CADPS2: variants seen among roughly 807,000 people sequenced by gnomAD.
CADPS2 encodes calcium dependent secretion activator 2.
CADPS2 carries 93 observed loss-of-function variants against 172.5 expected under a neutral mutation model. The observed-to-expected ratio is 0.54, with a 90% confidence interval of 0.46 to 0.64. CADPS2 has a LOEUF of 0.64. CADPS2 is among the 30% of genes least tolerant of loss of function. The probability of loss-of-function intolerance (pLI) is 0.00; values close to 1 mark genes in which losing one functional copy is unlikely to be tolerated. For synonymous variants in CADPS2, 546 were observed against 555.2 expected (o/e 0.98, Z 0.23); for missense variants, 1,420 against 1,565.9 (o/e 0.91, Z 1.57).
chr7:122,452,469 C>A (rs1248406891), intron 14 of CADPS2, among the ~76,000 whole-genome samples: 2 of 152,228 alleles, frequency 1.3e-5, no homozygotes, highest in African/African-American at 4.8e-5. Flanking sequence ...GATCTTGGCT[C>A]AGTGCAACCT....
chr7:122,325,942 G>C (rs1015320734), intron 28 of CADPS2, among the ~76,000 whole-genome samples: 2 of 151,642 alleles, frequency 1.3e-5, no homozygotes, highest in African/African-American at 4.8e-5. Context: ...CAAGCAGCAG[G>C]AAAAAAGAGG....
At position 122,320,183 on chromosome 7, in the gene CADPS2, G is replaced by C; in HGVS notation, c.3873C>G (p.Asp1291Glu). Residue 1291 changes from aspartate to glutamate, a missense_variant, in exon 30 of 30, where the codon GAC (aspartate) becomes GAG (glutamate). Coordinates refer to ENST00000449022, the MANE Select transcript of CADPS2 (RefSeq NM_017954.11). ...TGTGATATCAGCCTTCTTCTTCTTCGTCACTGTCTTTCATAGTAATGCCCT... is the reference window on the plus strand; with the variant it reads ...TGTGATATCAGCCTTCTTCTTCTTCCTCACTGTCTTTCATAGTAATGCCCT... ...GLQGITMKDS[D>E]EEEEG is the part of the protein sequence containing the mutation. The C allele has an allele frequency of 6.2e-7, 1 of 1,602,416 alleles. No homozygotes were observed. Among genetic ancestry groups the C allele is most frequent in the South Asian group, 1.1e-5 (1 of 88,734 alleles).
chr7:122,526,179 CTTATTTATTTAT>C (rs3069351), intron 8 of CADPS2, among the ~76,000 whole-genome samples: 3 of 149,742 alleles, frequency 2.0e-5, no homozygotes, highest in Non-Finnish European at 3.0e-5. Flanking sequence ...CTTTGATACA[CTTATTTATTTAT>C]TTATTTATTT....
intron 1 of CADPS2, among the ~76,000 whole-genome samples, chr7:122,841,574 C>T (rs530055986): frequency 6.6e-6 from 1 of 152,246 alleles, no homozygotes; most frequent in South Asian, 2.1e-4. Flanking sequence ...CTGAGCATTT[C>T]TTAGGTTTCT....
chr7:122,659,141 A>T (rs1300135659), intron 3 of CADPS2, among the ~76,000 whole-genome samples: 1 of 152,034 alleles, frequency 6.6e-6, no homozygotes, highest in Non-Finnish European at 1.5e-5. Flanking sequence ...CAAGCATCTG[A>T]ACTAGATTCA....
At chr7:122,602,767 A>T (rs2072980445) in intron 6 of CADPS2, among the ~76,000 whole-genome samples, 1 of 152,132 alleles carries the variant, frequency 6.6e-6, no homozygotes, top group Non-Finnish European at 1.5e-5. Flanking sequence ...AGATATTTTT[A>T]GGAACTCTTT....
intron 8 of CADPS2, among the ~76,000 whole-genome samples, chr7:122,528,134 GGTGGTGGTGGTGGTGGTGGTGGT>G (rs1023266183): frequency 3.3e-5 from 5 of 149,498 alleles, no homozygotes; most frequent in Non-Finnish European, 6.0e-5. Context: ...TGGTGGTGGT[GGTGGTGGTGGTGGTGGTGGTGGT>G]GGTAAGCAGA....
intron 2 of CADPS2, among the ~76,000 whole-genome samples, chr7:122,727,189 C>A (rs1043384459): frequency 2.0e-5 from 3 of 151,918 alleles, no homozygotes; most frequent in East Asian, 3.9e-4. Flanking sequence ...TCTTTCTGAA[C>A]TGGGGTGCCA....
intron 7 of CADPS2, among the ~76,000 whole-genome samples, chr7:122,579,945 G>T (rs2068581646): frequency 6.6e-6 from 1 of 152,042 alleles, no homozygotes; most frequent in African/African-American, 2.4e-5. Context: ...AGAGTATAAA[G>T]GAGGTAGAAG....
chr7:122,633,747 C>T (rs759867740), intron 3 of CADPS2, among the ~76,000 whole-genome samples: 79 of 152,204 alleles, frequency 5.2e-4, no homozygotes, highest in Non-Finnish European at 9.0e-4. Context: ...AGGAGTGGTG[C>T]GAGTGGACAT....
intron 2 of CADPS2, chr7:122,676,455 C>A: frequency 2.6e-6 from 1 of 381,674 alleles, no homozygotes; most frequent in Non-Finnish European, 4.6e-6. Context: ...CTTTGACATT[C>A]ATTTGAAAAA....
chr7:122,590,636 T>G (rs1465903670), intron 6 of CADPS2, among the ~76,000 whole-genome samples: 2 of 151,800 alleles, frequency 1.3e-5, no homozygotes, highest in Non-Finnish European at 2.9e-5. Context: ...CAGAGACAGA[T>G]TTCTAAGGCA....
At chr7:122,646,695 G>C (rs1045402070) in intron 3 of CADPS2, among the ~76,000 whole-genome samples, 5 of 152,236 alleles carry the variant, frequency 3.3e-5, no homozygotes, top group Admixed American at 3.3e-4. Flanking sequence ...CACAACTGCT[G>C]AAAGCTTAAC....
intron 17 of CADPS2, among the ~76,000 whole-genome samples, chr7:122,436,567 T>C (rs1175654604): frequency 6.6e-6 from 1 of 151,956 alleles, no homozygotes; most frequent in African/African-American, 2.4e-5. Context: ...ATGAAAAACA[T>C]GGAAGTTTTT....
intron 1 of CADPS2, among the ~76,000 whole-genome samples, chr7:122,852,707 G>C (rs924786470): frequency 1.3e-5 from 2 of 152,148 alleles, no homozygotes; most frequent in African/African-American, 2.4e-5. Flanking sequence ...AGAGAGCAAG[G>C]GGGAGAGGTG....
chr7:122,710,056 A>T (rs1473016434), intron 2 of CADPS2, among the ~76,000 whole-genome samples: 1 of 144,454 alleles, frequency 6.9e-6, no homozygotes, highest in Admixed American at 7.4e-5. Flanking sequence ...TAATAAAAAA[A>T]AAAAAAAAAT....
At chr7:122,539,343 T>C (rs1330739379) in intron 8 of CADPS2, among the ~76,000 whole-genome samples, 1 of 152,128 alleles carries the variant, frequency 6.6e-6, no homozygotes, top group Non-Finnish European at 1.5e-5. Context: ...CTTCACCAGA[T>C]GCTGGCCCCT....
At chr7:122,821,414 A>C (rs1023790830) in intron 1 of CADPS2, among the ~76,000 whole-genome samples, 3 of 152,070 alleles carry the variant, frequency 2.0e-5, no homozygotes, top group African/African-American at 7.2e-5. Flanking sequence ...GGGATTATTC[A>C]GGCCCCCTCC....
At chr7:122,502,352 G>A (rs1037584094) in intron 9 of CADPS2, among the ~76,000 whole-genome samples, 6 of 151,868 alleles carry the variant, frequency 4.0e-5, no homozygotes, top group African/African-American at 1.5e-4. Context: ...CTGTTAACAG[G>A]TCCATTTAAC....
Sources: allele counts gnomAD v4.1 joint callset (sites outside exome capture counted in the v4.1 genomes callset), GRCh38; gene constraint gnomAD v4.1.1; transcripts MANE v1.5; gene names NCBI Gene and HGNC (gene_info 2026-07-23, HGNC 2026-07-21).